Variants in NEMP1 observed in about 807,000 individuals in gnomAD.
NEMP1 encodes nuclear envelope integral membrane protein 1.
Under a neutral mutation model 53.7 loss-of-function variants are expected in NEMP1, and 29 were observed. The ratio of observed to expected loss-of-function variants is 0.54; its 90% CI spans 0.40 to 0.74. NEMP1 has a LOEUF of 0.74. NEMP1 is among the 30% of genes least tolerant of loss of function. NEMP1 has a pLI of 0.00. For synonymous variants in NEMP1, 193 were observed against 192.9 expected, an observed-to-expected ratio of 1.00 and a Z score of 0.00; for missense variants, 477 against 528.6, an observed-to-expected ratio of 0.90 and a Z score of 0.96.
chr12:57,059,679 CT>C lies in NEMP1; in HGVS notation c.*199del. 1.9e-6 allele frequency: 1 copy of C among 526,898 alleles called. No homozygotes were observed. The highest frequency in any genetic ancestry group is 3.4e-6 in the Non-Finnish European group (1 of 295,888). 32.6% of individuals were successfully genotyped at this position (526,898 alleles called of 1,614,324 possible). On this transcript the variant is annotated 3_prime_UTR_variant, in exon 9 of 9. Coordinates refer to ENST00000300128, the MANE Select transcript of NEMP1 (RefSeq NM_001130963.2). Reference sequence around the variant, plus strand: ...GAAGTGAACTACCCAGCATTCACTACTTTATCCACTCTCCTTCCTCAGGGAT... The same window carrying C: ...GAAGTGAACTACCCAGCATTCACTACTTATCCACTCTCCTTCCTCAGGGAT...
chr12:57,064,811 C>A, intron 4 of NEMP1, 72 bp from the exon 5 acceptor site: 1 of 1,086,640 alleles, frequency 9.2e-7, no homozygotes, highest in Non-Finnish European at 1.4e-6. Flanking sequence ...ACTAGGACAA[C>A]TAACCCAGCC....
At position 57,059,908 on chromosome 12, in the gene NEMP1, C is replaced by CA. The variant is rs1428631023; in HGVS notation, c.1305dup (p.Ala436CysfsTer53). ...GTTAGAAAGTTGTTCTGTGTGATAG[C>CA]AGGACACCGAGAATATGAGTCCTCC... is the stretch of plus-strand genomic sequence containing the variant. On this transcript the variant is annotated frameshift_variant, in exon 9 of 9. Coordinates refer to ENST00000300128, the MANE Select transcript of NEMP1 (RefSeq NM_001130963.2). LOFTEE classifies it high-confidence loss of function. The CA allele has an allele frequency of 3.7e-6, 6 of 1,613,606 alleles. No individual in the cohort carries two copies. Among genetic ancestry groups the CA allele is most frequent in the Non-Finnish European group, 5.1e-6 (6 of 1,179,866 alleles).
chr12:57,085,963 T>C (rs1044282330), intron 1 of NEMP1, among the ~76,000 whole-genome samples: 2 of 152,192 alleles, frequency 1.3e-5, no homozygotes, highest in East Asian at 3.8e-4. Flanking sequence ...AACAGGCCTA[T>C]CCTGGAGAGG....
At chr12:57,071,566 A>G (rs1468241351) in intron 2 of NEMP1, among the ~76,000 whole-genome samples, 4 of 151,990 alleles carry the variant, frequency 2.6e-5, no homozygotes, top group Admixed American at 2.6e-4. Context: ...TTTAGTAGAG[A>G]CGGGGTTTCA....
At chr12:57,075,210 C>A (rs1447885898) in intron 1 of NEMP1, among the ~76,000 whole-genome samples, 2 of 151,600 alleles carry the variant, frequency 1.3e-5, no homozygotes, top group African/African-American at 4.9e-5. Flanking sequence ...CAAGGTGAAA[C>A]CCCATCTCTA....
Position 57,078,626 on chromosome 12 carries a change from G to T in NEMP1, c.120C>A (p.Tyr40Ter), listed in dbSNP as rs2032741278. The T allele has an allele frequency of 6.2e-7, 1 of 1,611,560 alleles. No individual in the cohort carries two copies. Among genetic ancestry groups the T allele is most frequent in the Non-Finnish European group, 8.5e-7 (1 of 1,178,938 alleles). The change falls in exon 1 of 9, where the codon TAC becomes TAA. Residue 40 changes from tyrosine (Y) to a stop codon, truncating the protein, a stop_gained. Coordinates refer to ENST00000300128, the MANE Select transcript of NEMP1 (RefSeq NM_001130963.2). LOFTEE classifies it high-confidence loss of function. Reference protein sequence around the residue: ...LLLILSGCLVYGTAETDVNVV... With the variant: ...LLLILSGCLV ...CTGCTGCCCGGGCGGTACCTGTGCCGTAGACCAAGCAGCCGGAGAGGATCA... is the reference window on the plus strand; with the variant it reads ...CTGCTGCCCGGGCGGTACCTGTGCCTTAGACCAAGCAGCCGGAGAGGATCA...
Position 57,059,610 on chromosome 12 carries a change from A to G in NEMP1, c.*269T>C, listed in dbSNP as rs1445999616. 2 of 320,308 alleles carry G rather than the reference A, an allele frequency of 6.2e-6. No individual in the cohort carries two copies. The highest frequency in any genetic ancestry group is 1.2e-5 in the Non-Finnish European group (2 of 172,978). The allele number at this position is 320,308 out of a possible 1,614,324, so 19.8% of individuals were successfully genotyped here. ...ATGCCATGCTAGCTGTGGCCATCCA[A>G]TTTCTCTGGAAACATAAAAGTGGGC... On this transcript the variant is annotated 3_prime_UTR_variant, in exon 9 of 9. Coordinates refer to ENST00000300128, the MANE Select transcript of NEMP1 (RefSeq NM_001130963.2).
chr12:57,071,336 T>A (rs1327258220), intron 2 of NEMP1, among the ~76,000 whole-genome samples: 1 of 152,108 alleles, frequency 6.6e-6, no homozygotes, highest in Non-Finnish European at 1.5e-5. Context: ...TATGAGTAAA[T>A]GTTGGTTATA....
At chr12:57,070,957 C>G (rs548221427) in intron 2 of NEMP1, 64 bp from the exon 3 acceptor site, 1 of 1,413,514 alleles carries the variant, frequency 7.1e-7, no homozygotes, top group African/African-American at 1.5e-5. Context: ...TTCACAAATA[C>G]AATTTTTTAA....
chr12:57,059,786 C>A lies in NEMP1; in HGVS notation c.*93G>T. The A allele has an allele frequency of 8.7e-7, 1 of 1,156,038 alleles. No individual in the cohort carries two copies. The highest frequency in any genetic ancestry group is 2.5e-5 in the East Asian group (1 of 40,532). 71.6% of individuals were successfully genotyped at this position (1,156,038 alleles called of 1,614,324 possible). ...AGGAGAATTTCTACCCTATCTATCT[C>A]ACTCTGTTTCAAAGGGTTGAAAGCA... On this transcript the variant is annotated 3_prime_UTR_variant, in exon 9 of 9. Coordinates refer to ENST00000300128, the MANE Select transcript of NEMP1 (RefSeq NM_001130963.2).
chr12:57,070,591 CTT>C, intron 3 of NEMP1, 81 bp downstream of exon 3: 1 of 1,216,562 alleles, frequency 8.2e-7, no homozygotes, highest in Non-Finnish European at 1.2e-6. Flanking sequence ...CTTAGGCTGA[CTT>C]CTCAGTCTCA....
rs769601301 is a variant in NEMP1 at position 57,078,695 on chromosome 12, G to A, written c.51C>T (p.Pro17=). The A allele has an allele frequency of 1.9e-6, 3 of 1,613,558 alleles. No homozygotes were observed. The highest frequency in any genetic ancestry group is 3.3e-5 in the Admixed American group (2 of 59,968). The change falls in exon 1 of 9, where the codon CCC becomes CCT. Residue 17 remains proline (P), a synonymous_variant. Coordinates refer to ENST00000300128, the MANE Select transcript of NEMP1 (RefSeq NM_001130963.2). ...CACCGCCCCCGACTCCCGAGCCCCA[G>A]GGCCCGGGACCAACTGCCGGCGAGA... The part of the protein sequence containing the change: ...VAVSPAVGPG[P]WGSGVGGGGT...
chr12:57,072,671 A>T, intron 2 of NEMP1, 117 bp downstream of exon 2: 1 of 1,159,796 alleles, frequency 8.6e-7, no homozygotes. Flanking sequence ...AACCCTAACA[A>T]GATTGTTAAC....
Position 57,056,891 on chromosome 12 carries a change from ACC to A in NEMP1, c.*2986_*2987del, listed in dbSNP as rs1410021622. Reference sequence around the variant, plus strand: ...TATTAGCATAAAATGGAACAGTGGGACCCAAAGAGCTATCAGCAAAATTCCCT... The same window carrying A: ...TATTAGCATAAAATGGAACAGTGGGACAAAGAGCTATCAGCAAAATTCCCT... On this transcript the variant is annotated 3_prime_UTR_variant, in exon 9 of 9. Transcript: ENST00000300128. The A allele has an allele frequency of 6.6e-6, 1 of 152,314 alleles. No individual in the cohort carries two copies. The highest frequency in any genetic ancestry group is 6.5e-5 in the Admixed American group (1 of 15,298). The allele number at this position is 152,314 out of a possible 1,614,324, so 9.4% of individuals were successfully genotyped here.
At chr12:57,074,470 TG>T in intron 1 of NEMP1, among the ~76,000 whole-genome samples, 1 of 152,010 alleles carries the variant, frequency 6.6e-6, no homozygotes, top group Non-Finnish European at 1.5e-5. Flanking sequence ...TTTTTTTGTG[TG>T]TGTGTATTTT....
At chr12:57,068,319 T>C (rs542338981) in intron 4 of NEMP1, among the ~76,000 whole-genome samples, 18 of 152,054 alleles carry the variant, frequency 1.2e-4, no homozygotes, top group Non-Finnish European at 2.5e-4. Flanking sequence ...TCTTAACTAG[T>C]AGGTTCCTAA....
intron 8 of NEMP1, among the ~76,000 whole-genome samples, chr12:57,060,492 T>C (rs2031746347): frequency 6.6e-6 from 1 of 152,178 alleles, no homozygotes; most frequent in Non-Finnish European, 1.5e-5. Context: ...GGGGGAACCC[T>C]ACCAACTCAG....
In NEMP1 at chr12:57,070,819, C is replaced by T. The variant is rs761107818; in HGVS notation, c.327G>A (p.Gln109=). 6.2e-7 allele frequency: 1 copy of T among 1,614,154 alleles called. No individual in the cohort carries two copies. The highest frequency in any genetic ancestry group is 8.5e-7 in the Non-Finnish European group (1 of 1,180,020). The change falls in exon 3 of 9, where the codon CAG becomes CAA. Residue 109 remains glutamine, a synonymous_variant. Coordinates refer to ENST00000300128, the MANE Select transcript of NEMP1 (RefSeq NM_001130963.2). The part of the protein sequence containing the change: ...ENEEKLKELE[Q]FSIWNFFSSF... The stretch of plus-strand genomic sequence containing the variant: ...AGGAAAAAAAGTTCCAGATACTAAA[C>T]TGCTCTAGCTCCTTCAGTTTCTCCT...
chr12:57,063,415 G>T, intron 6 of NEMP1, 71 bp from the exon 7 acceptor site: 2 of 1,301,194 alleles, frequency 1.5e-6, no homozygotes, highest in Non-Finnish European at 2.2e-6. Flanking sequence ...GTGGGAAGCA[G>T]TAGTTAATTT....
Sources: allele counts gnomAD v4.1 joint callset (sites outside exome capture counted in the v4.1 genomes callset), GRCh38; gene constraint gnomAD v4.1.1; transcripts MANE v1.5; gene names NCBI Gene and HGNC (gene_info 2026-07-23, HGNC 2026-07-21).